DPP10: variants seen among roughly 807,000 people sequenced by gnomAD.
DPP10 encodes the protein dipeptidyl peptidase like 10, also known as inactive dipeptidyl peptidase 10.
DPP10 carries 33 observed loss-of-function variants against 120.9 expected under a neutral mutation model. The observed-to-expected ratio is 0.27, with a 90% CI of 0.21 to 0.37. DPP10 has a LOEUF of 0.37. DPP10 is among the 10% of genes least tolerant of loss of function. The pLI is 1.00. For synonymous variants in DPP10, 337 were observed against 326.1 expected, an observed-to-expected ratio of 1.03 and a Z score of -0.36; for missense variants, 816 against 942.8, an observed-to-expected ratio of 0.87 and a Z score of 1.76.
chr2:114,716,056 T>A (rs1453766013), intron 1 of DPP10, among the ~76,000 whole-genome samples: 4 of 151,094 alleles, frequency 2.6e-5, no homozygotes, highest in African/African-American at 9.8e-5. Context: ...TGTCTTTTTT[T>A]TAAAAAAAAA....
chr2:115,384,162 C>T (rs895971460), intron 3 of DPP10, among the ~76,000 whole-genome samples: 2 of 152,142 alleles, frequency 1.3e-5, no homozygotes, highest in African/African-American at 4.8e-5. Flanking sequence ...CTCTTTCTCC[C>T]TCAAAGAAAG....
At chr2:114,654,463 T>C (rs1173956945) in intron 1 of DPP10, among the ~76,000 whole-genome samples, 1 of 152,128 alleles carries the variant, frequency 6.6e-6, no homozygotes, top group Non-Finnish European at 1.5e-5. Context: ...AAACTTTCCT[T>C]TGAAAGCCAG....
intron 1 of DPP10, among the ~76,000 whole-genome samples, chr2:114,886,408 C>T (rs1574417736): frequency 6.6e-6 from 1 of 152,092 alleles, no homozygotes; most frequent in Non-Finnish European, 1.5e-5. Flanking sequence ...TCTCATGTTG[C>T]CATTGAACAT....
At chr2:115,337,751 A>G (rs1226174795) in intron 2 of DPP10, among the ~76,000 whole-genome samples, 3 of 150,822 alleles carry the variant, frequency 2.0e-5, no homozygotes, top group African/African-American at 7.3e-5. Context: ...CATTATGTGT[A>G]TAAGGAAGGA....
At chr2:114,492,280 C>T (rs895958223) in intron 1 of DPP10, among the ~76,000 whole-genome samples, 3 of 151,984 alleles carry the variant, frequency 2.0e-5, no homozygotes, top group Non-Finnish European at 1.5e-5. Flanking sequence ...ATTTTATTCC[C>T]AAAGCTAATT....
intron 1 of DPP10, among the ~76,000 whole-genome samples, chr2:115,024,030 G>A (rs1703270922): frequency 6.6e-6 from 1 of 152,070 alleles, no homozygotes; most frequent in African/African-American, 2.4e-5. Context: ...GGTGGTGAGG[G>A]ATAAAAGACT....
At chr2:114,823,209 A>G (rs976577068) in intron 1 of DPP10, among the ~76,000 whole-genome samples, 1 of 152,196 alleles carries the variant, frequency 6.6e-6, no homozygotes, top group East Asian at 1.9e-4. Flanking sequence ...CAGGAAAGTT[A>G]CAATCCTGGG....
chr2:114,635,040 G>A (rs1695207632), intron 1 of DPP10, among the ~76,000 whole-genome samples: 1 of 151,614 alleles, frequency 6.6e-6, no homozygotes. Context: ...GGAAAAGAAT[G>A]TTTTACTACT....
chr2:115,013,514 G>T (rs138093131), intron 1 of DPP10, among the ~76,000 whole-genome samples: 4,642 of 152,026 alleles, frequency 0.031, 89 homozygotes, highest in Non-Finnish European at 0.049. Flanking sequence ...GGCATTCTCT[G>T]TATTTCCTGA....
chr2:114,735,128 T>G (rs1367435537), intron 1 of DPP10, among the ~76,000 whole-genome samples: 1 of 152,280 alleles, frequency 6.6e-6, no homozygotes, highest in East Asian at 1.9e-4. Flanking sequence ...ACAGTCAAAT[T>G]CTAAAGCACT....
intron 3 of DPP10, among the ~76,000 whole-genome samples, chr2:115,473,497 A>T (rs1316025536): frequency 6.6e-6 from 1 of 152,142 alleles, no homozygotes; most frequent in Non-Finnish European, 1.5e-5. Flanking sequence ...GCCCAATTAC[A>T]TTCTTGGCAG....
At chr2:114,784,527 A>T (rs1682603345) in intron 1 of DPP10, among the ~76,000 whole-genome samples, 1 of 152,078 alleles carries the variant, frequency 6.6e-6, no homozygotes, top group Admixed American at 6.6e-5. Flanking sequence ...TGTTCCTATA[A>T]AAAATATTAT....
At chr2:114,485,460 CTG>C (rs1491189438) in intron 1 of DPP10, among the ~76,000 whole-genome samples, 2 of 137,290 alleles carry the variant, frequency 1.5e-5, no homozygotes, top group African/African-American at 6.0e-5. Flanking sequence ...TCAGGAAAAA[CTG>C]TTTTTTTTTT....
chr2:115,176,852 C>A (rs2053724437), intron 1 of DPP10, among the ~76,000 whole-genome samples: 1 of 152,184 alleles, frequency 6.6e-6, no homozygotes, highest in African/African-American at 2.4e-5. Context: ...AGTCCATGCC[C>A]TTGTCTGTTC....
chr2:114,945,107 G>A (rs78026343), intron 1 of DPP10, among the ~76,000 whole-genome samples: 75 of 152,278 alleles, frequency 4.9e-4, no homozygotes, highest in Non-Finnish European at 9.7e-4. Flanking sequence ...TATACCTACA[G>A]GTTACACGTA....
rs560305746 is a variant in DPP10 at position 115,551,966 on chromosome 2, G to A, written c.441+25994G>A. Among the ~76,000 whole-genome samples the A allele has an allele frequency of 2.0e-4, 30 of 152,206 alleles. No homozygotes were observed. The East Asian group carries it at 2.7e-3, about 14-fold the overall frequency. On this transcript the variant is annotated intron_variant, in intron 5 of 25. Coordinates refer to ENST00000410059, the MANE Select transcript of DPP10 (RefSeq NM_020868.6). Reference sequence around the variant, plus strand: ...GTGGCTCTACAATAGCAGCCACTGCGTTTCTAATTGCCCTTAATCTTTCAC... The same window carrying A: ...GTGGCTCTACAATAGCAGCCACTGCATTTCTAATTGCCCTTAATCTTTCAC...
At chr2:115,003,522 T>G (rs1211863488) in intron 1 of DPP10, among the ~76,000 whole-genome samples, 5 of 151,348 alleles carry the variant, frequency 3.3e-5, no homozygotes, top group African/African-American at 9.7e-5. Context: ...AAAATAAAAG[T>G]CCAAAAACGA....
intron 1 of DPP10, among the ~76,000 whole-genome samples, chr2:114,942,510 G>A (rs1170400191): frequency 6.7e-6 from 1 of 149,240 alleles, no homozygotes; most frequent in Non-Finnish European, 1.5e-5. Flanking sequence ...GAAAGATTGT[G>A]GCCAGGAAGA....
intron 1 of DPP10, among the ~76,000 whole-genome samples, chr2:114,952,659 GTGTC>G (rs1168832577): frequency 6.6e-6 from 1 of 152,180 alleles, no homozygotes; most frequent in African/African-American, 2.4e-5. Context: ...AGAGCTCCTG[GTGTC>G]TGTCTGTGTA....
Sources: allele counts gnomAD v4.1 joint callset (sites outside exome capture counted in the v4.1 genomes callset), GRCh38; gene constraint gnomAD v4.1.1; transcripts MANE v1.5; gene names NCBI Gene and HGNC (gene_info 2026-07-23, HGNC 2026-07-21).